Variants in HSD17B12 observed in about 807,000 individuals in gnomAD.
HSD17B12 encodes the protein hydroxysteroid 17-beta dehydrogenase 12, also known as very-long-chain 3-oxoacyl-CoA reductase.
Under a neutral mutation model 39.3 loss-of-function variants are expected in HSD17B12, and 32 were observed. The observed-to-expected ratio is 0.81, with a 90% CI of 0.61 to 1.09. The LOEUF (loss-of-function observed/expected upper bound fraction) is 1.09, where lower values mean the gene tolerates loss of function less well. Among genes scored for constraint, HSD17B12 ranks in the 50% least tolerant of loss-of-function variants. The pLI is 0.00. For synonymous variants in HSD17B12, 150 were observed against 146.7 expected (o/e 1.02, Z -0.16); for missense variants, 342 against 382.9 (o/e 0.89, Z 0.89).
At chr11:43,807,395 G>C (rs1396045126) in intron 4 of HSD17B12, among the ~76,000 whole-genome samples, 1 of 152,148 alleles carries the variant, frequency 6.6e-6, no homozygotes, top group Non-Finnish European at 1.5e-5. Context: ...TGTACAAAAG[G>C]CCTGATGTGA....
chr11:43,661,652 A>G, the HSD17B12 span, among the ~76,000 whole-genome samples: 1 of 152,302 alleles, frequency 6.6e-6, no homozygotes, highest in South Asian at 2.1e-4. Context: ...ATTCTCCACA[A>G]AAAAGGAGGA....
intron 3 of HSD17B12, among the ~76,000 whole-genome samples, chr11:43,762,239 T>A (rs1160350498): frequency 6.6e-6 from 1 of 152,208 alleles, no homozygotes; most frequent in African/African-American, 2.4e-5. Flanking sequence ...TCTTGCAAAA[T>A]TAATTTTTGT....
intron 1 of HSD17B12, among the ~76,000 whole-genome samples, chr11:43,700,497 T>A (rs1949954249): frequency 6.6e-6 from 1 of 152,058 alleles, no homozygotes; most frequent in Admixed American, 6.5e-5. Context: ...CCCACTACCC[T>A]TCCTAGCTTC....
chr11:43,746,439 A>T (rs1950413325), intron 1 of HSD17B12, among the ~76,000 whole-genome samples: 1 of 152,140 alleles, frequency 6.6e-6, no homozygotes. Flanking sequence ...GGCCTACACC[A>T]GGTCAGGATC....
the HSD17B12 span, among the ~76,000 whole-genome samples, chr11:43,604,695 G>A: frequency 1.3e-5 from 2 of 152,034 alleles, no homozygotes; most frequent in Non-Finnish European, 2.9e-5. Flanking sequence ...TTGGATCTGG[G>A]ATGCATACTA....
At chr11:43,671,490 C>T in the HSD17B12 span, among the ~76,000 whole-genome samples, 4 of 152,180 alleles carry the variant, frequency 2.6e-5, no homozygotes, top group Admixed American at 6.5e-5. Flanking sequence ...CCCTTTCACA[C>T]GGTTTTAAAC....
At chr11:43,798,859 A>T (rs1950938985) in intron 4 of HSD17B12, among the ~76,000 whole-genome samples, 1 of 152,182 alleles carries the variant, frequency 6.6e-6, no homozygotes, top group Non-Finnish European at 1.5e-5. Flanking sequence ...ATTTGTGCAG[A>T]TTTAATGTGT....
At chr11:43,641,674 T>A in the HSD17B12 span, among the ~76,000 whole-genome samples, 1 of 151,976 alleles carries the variant, frequency 6.6e-6, no homozygotes. Flanking sequence ...TTGGTAATTG[T>A]GTTACGTTGA....
chr11:43,600,253 T>C, the HSD17B12 span, among the ~76,000 whole-genome samples: 14 of 152,322 alleles, frequency 9.2e-5, no homozygotes, highest in African/African-American at 2.6e-4. Context: ...TTTTACCACA[T>C]CTTCTTCATT....
intron 9 of HSD17B12, among the ~76,000 whole-genome samples, chr11:43,844,618 A>C (rs1951457878): frequency 6.6e-6 from 1 of 152,078 alleles, no homozygotes; most frequent in African/African-American, 2.4e-5. Context: ...AAGTAATTTG[A>C]CTGGCTAGGT....
At chr11:43,846,629 C>T (rs947714384) in intron 9 of HSD17B12, among the ~76,000 whole-genome samples, 10 of 152,190 alleles carry the variant, frequency 6.6e-5, no homozygotes, top group Admixed American at 1.3e-4. Context: ...CACACCCCTG[C>T]ATACTAGCCT....
At chr11:43,708,641 A>G (rs1466053206) in intron 1 of HSD17B12, among the ~76,000 whole-genome samples, 1 of 152,206 alleles carries the variant, frequency 6.6e-6, no homozygotes, top group Non-Finnish European at 1.5e-5. Context: ...TGGGTGTACT[A>G]TTGTTGAAAA....
At chr11:43,673,178 A>G in the HSD17B12 span, 8 of 152,230 alleles carry the variant, frequency 5.3e-5, no homozygotes, top group African/African-American at 1.7e-4. Flanking sequence ...AAACTCCCTG[A>G]TTATGAAGTG....
At chr11:43,764,012 A>C (rs1304127608) in intron 3 of HSD17B12, among the ~76,000 whole-genome samples, 1 of 152,088 alleles carries the variant, frequency 6.6e-6, no homozygotes, top group Non-Finnish European at 1.5e-5. Context: ...TGATTTGGGG[A>C]ATGTCTGAAG....
At chr11:43,672,591 A>C in the HSD17B12 span, among the ~76,000 whole-genome samples, 3 of 152,176 alleles carry the variant, frequency 2.0e-5, no homozygotes, top group Non-Finnish European at 4.4e-5. Context: ...TCTGTTGCCC[A>C]GGTTAGAGTG....
chr11:43,849,150 A>T (rs926390004), intron 9 of HSD17B12, among the ~76,000 whole-genome samples: 9 of 152,052 alleles, frequency 5.9e-5, no homozygotes, highest in African/African-American at 1.7e-4. Context: ...CAAAAAAATT[A>T]AAAAATTAGC....
chr11:43,727,622 T>C (rs1950232860), intron 1 of HSD17B12, among the ~76,000 whole-genome samples: 1 of 152,144 alleles, frequency 6.6e-6, no homozygotes, highest in African/African-American at 2.4e-5. Flanking sequence ...ACCTGGCTTA[T>C]AAGGCATTTT....
At chr11:43,627,369 A>T in the HSD17B12 span, among the ~76,000 whole-genome samples, 1 of 151,928 alleles carries the variant, frequency 6.6e-6, no homozygotes, top group Non-Finnish European at 1.5e-5. Flanking sequence ...GGAGCTACAG[A>T]TAAAAACTAA....
intron 8 of HSD17B12, among the ~76,000 whole-genome samples, chr11:43,838,607 C>A (rs1951394061): frequency 6.6e-6 from 1 of 151,380 alleles, no homozygotes; most frequent in Admixed American, 6.6e-5. Flanking sequence ...TGTAAACTTA[C>A]AAATGGGACA....
Sources: allele counts gnomAD v4.1 joint callset (sites outside exome capture counted in the v4.1 genomes callset), GRCh38; gene constraint gnomAD v4.1.1; transcripts MANE v1.5; gene names NCBI Gene and HGNC (gene_info 2026-07-23, HGNC 2026-07-21).